Variants in ALOX5AP observed in about 807,000 individuals in gnomAD.
ALOX5AP encodes arachidonate 5-lipoxygenase activating protein, also known as arachidonate 5-lipoxygenase-activating protein.
ALOX5AP carries 9 observed loss-of-function variants against 18.5 expected under a neutral mutation model. That is an observed-to-expected ratio of 0.49 (90% CI 0.29 to 0.85). ALOX5AP has a LOEUF of 0.85. Ranked by LOEUF, ALOX5AP falls within the 40% of genes least tolerant of loss-of-function variation. The probability of loss-of-function intolerance (pLI) is 0.08; values close to 1 mark genes in which losing one functional copy is unlikely to be tolerated. For missense variants in ALOX5AP, 172 were observed against 202.5 expected, an observed-to-expected ratio of 0.85 and a Z score of 0.91; for synonymous variants, 81 against 78.6, an observed-to-expected ratio of 1.03 and a Z score of -0.16.
chr13:30,743,765 G>A (rs1165051743), intron 1 of ALOX5AP, among the ~76,000 whole-genome samples: 1 of 152,064 alleles, frequency 6.6e-6, no homozygotes, highest in Admixed American at 6.5e-5. Context: ...ATCTTGGCAT[G>A]ACTCACTTTG....
At chr13:30,747,750 C>CTAAA (rs1951820595) in intron 2 of ALOX5AP, among the ~76,000 whole-genome samples, 1 of 152,144 alleles carries the variant, frequency 6.6e-6, no homozygotes, top group South Asian at 2.1e-4. Context: ...TAAGGGTATT[C>CTAAA]TGATTCTTGG....
intron 4 of ALOX5AP, among the ~76,000 whole-genome samples, chr13:30,757,799 T>C (rs918033439): frequency 5.3e-5 from 8 of 152,316 alleles, no homozygotes; most frequent in Non-Finnish European, 1.2e-4. Flanking sequence ...TGATTCCTAT[T>C]AGGGAATGAA....
intron 1 of ALOX5AP, among the ~76,000 whole-genome samples, chr13:30,727,757 T>G (rs114160849): frequency 1.6e-3 from 244 of 152,282 alleles, no homozygotes; most frequent in African/African-American, 5.5e-3. Flanking sequence ...AGTGTTGAAG[T>G]TGGGGCTTCA....
At chr13:30,739,390 C>T (rs985619491) in intron 1 of ALOX5AP, among the ~76,000 whole-genome samples, 1 of 152,128 alleles carries the variant, frequency 6.6e-6, no homozygotes, top group Non-Finnish European at 1.5e-5. Context: ...CTGCCTGGCA[C>T]AAAGACAGGT....
At chr13:30,754,086 A>G (rs796569522) in intron 3 of ALOX5AP, among the ~76,000 whole-genome samples, 8 of 152,252 alleles carry the variant, frequency 5.3e-5, no homozygotes, top group African/African-American at 1.9e-4. Flanking sequence ...CTAAAAATAC[A>G]AAATTAGCTG....
At chr13:30,719,889 G>A (rs12429623) in intron 1 of ALOX5AP, among the ~76,000 whole-genome samples, 12,050 of 150,948 alleles carry the variant, frequency 0.08, 683 homozygotes, top group Admixed American at 0.17. Flanking sequence ...TTGAGATGGA[G>A]TCTTGCTCTG....
At chr13:30,745,738 G>T (rs896057690) in intron 2 of ALOX5AP, among the ~76,000 whole-genome samples, 3 of 152,226 alleles carry the variant, frequency 2.0e-5, no homozygotes, top group Non-Finnish European at 4.4e-5. Context: ...TGCAGAGAAA[G>T]ATACTAGAGT....
intron 2 of ALOX5AP, among the ~76,000 whole-genome samples, chr13:30,747,690 G>T (rs374108102): frequency 6.6e-6 from 1 of 152,216 alleles, no homozygotes; most frequent in East Asian, 1.9e-4. Context: ...ACTTTTAACA[G>T]GTGTTACAGG....
At chr13:30,741,835 T>TTTTTG (rs1555255429) in intron 1 of ALOX5AP, among the ~76,000 whole-genome samples, 1 of 150,898 alleles carries the variant, frequency 6.6e-6, no homozygotes, top group Admixed American at 6.6e-5. Flanking sequence ...TTTTCTGTTT[T>TTTTTG]TTTTTTTTTT....
intron 1 of ALOX5AP, among the ~76,000 whole-genome samples, chr13:30,716,174 C>G (rs1453933449): frequency 6.6e-6 from 1 of 152,190 alleles, no homozygotes; most frequent in Non-Finnish European, 1.5e-5. Flanking sequence ...AATCTCTCAA[C>G]CTCTATTGTT....
At chr13:30,735,434 TAAAAAAAAA>T (rs59918130), upstream of ALOX5AP, 3,373 of 856,088 alleles carry the variant, frequency 3.9e-3, 6 homozygotes, top group African/African-American at 0.017. Flanking sequence ...GGTGGTTAGT[TAAAAAAAAA>T]AAAAAAAAAA....
At chr13:30,725,264 T>C (rs1242939552) in intron 1 of ALOX5AP, among the ~76,000 whole-genome samples, 4 of 152,226 alleles carry the variant, frequency 2.6e-5, no homozygotes, top group African/African-American at 9.6e-5. Flanking sequence ...AAGAGGCATA[T>C]GGATACCTCT....
intron 4 of ALOX5AP, among the ~76,000 whole-genome samples, chr13:30,763,287 TAC>T (rs1309230577): frequency 6.6e-6 from 1 of 152,134 alleles, no homozygotes; most frequent in Non-Finnish European, 1.5e-5. Flanking sequence ...CAGCTTGGGC[TAC>T]AGAGTGAGAC....
intron 1 of ALOX5AP, among the ~76,000 whole-genome samples, chr13:30,741,962 G>A (rs1951770382): frequency 6.6e-6 from 1 of 151,380 alleles, no homozygotes; most frequent in African/African-American, 2.4e-5. Flanking sequence ...GAAAGAAAAT[G>A]ATCAGCATTT....
intron 2 of ALOX5AP, among the ~76,000 whole-genome samples, chr13:30,745,218 A>G (rs1951800026): frequency 6.6e-6 from 1 of 152,086 alleles, no homozygotes; most frequent in Admixed American, 6.5e-5. Context: ...CCTTCTCCTC[A>G]TCTAGGTATT....
intron 1 of ALOX5AP, among the ~76,000 whole-genome samples, chr13:30,719,508 A>G (rs1172232650): frequency 6.6e-6 from 1 of 152,152 alleles, no homozygotes; most frequent in African/African-American, 2.4e-5. Context: ...ATTTCTCCTT[A>G]CTTTCTTGCT....
rs184236660 is a variant in ALOX5AP at position 30,750,603 on chromosome 13, T to C, written c.171-1449T>C. 1.8e-4 allele frequency among the ~76,000 whole-genome samples: 27 copies of C among 152,222 alleles called. No individual in the cohort carries two copies. In the East Asian group the frequency reaches 5.2e-3, roughly 29 times the overall value. On this transcript the variant is annotated intron_variant, in intron 2 of 4. Coordinates refer to ENST00000380490, the MANE Select transcript of ALOX5AP (RefSeq NM_001629.4). The stretch of plus-strand genomic sequence containing the variant: ...GTTATTCAGCTTCTCCAAGCCTGAG[T>C]TCCTTATTGGAAACATGAGAGCAAT...
chr13:30,732,960 C>A (rs911548536), upstream of ALOX5AP, among the ~76,000 whole-genome samples: 2 of 151,886 alleles, frequency 1.3e-5, no homozygotes, highest in Admixed American at 6.6e-5. Context: ...TCGAGACCAT[C>A]CCGGCTAACA....
intron 1 of ALOX5AP, among the ~76,000 whole-genome samples, chr13:30,741,262 C>T (rs9551959): frequency 0.32 from 48,173 of 150,084 alleles, 9,140 homozygotes; most frequent in Non-Finnish European, 0.43. Context: ...CCTGCCACCA[C>T]GCCCAGCTAA....
Sources: gnomAD v4.1 joint callset for allele counts (sites outside exome capture counted in the v4.1 genomes callset) on GRCh38, gnomAD v4.1.1 for gene constraint, MANE v1.5 for transcripts, NCBI Gene and HGNC (gene_info 2026-07-23, HGNC 2026-07-21) for gene names.